The following TUSC3 variants were observed in gnomAD, a reference collection of about 807,000 sequenced individuals.
TUSC3 encodes the protein dolichyl-diphosphooligosaccharide--protein glycosyltransferase subunit TUSC3.
Under a neutral mutation model 44.8 loss-of-function variants are expected in TUSC3, and 45 were observed. The observed-to-expected ratio is 1.00, with a 90% CI of 0.79 to 1.29. TUSC3 has a LOEUF of 1.29. Ranked by LOEUF, TUSC3 falls within the 50% of genes most tolerant of loss-of-function variation. The pLI, the probability that TUSC3 is intolerant of heterozygous loss-of-function variation, is 0.00. For missense variants in TUSC3, 519 were observed against 437.9 expected, an observed-to-expected ratio of 1.19 and a Z score of -1.65; for synonymous variants, 212 against 152.9, an observed-to-expected ratio of 1.39 and a Z score of -2.85.
chr8:15,813,217 G>A, the TUSC3 span, among the ~76,000 whole-genome samples: 1 of 152,158 alleles, frequency 6.6e-6, no homozygotes, highest in Non-Finnish European at 1.5e-5. Context: ...TGTAGACACT[G>A]TGTAATCAGC....
At chr8:15,540,597 G>T in intron 1 of TUSC3, 29 bp downstream of exon 1, 1 of 1,521,098 alleles carries the variant, frequency 6.6e-7, no homozygotes, top group Non-Finnish European at 8.9e-7. Context: ...GCCTTCCCCT[G>T]TGGGCGGGGG....
chr8:15,437,919 A>C (rs1276965696), intron 1 of TUSC3, among the ~76,000 whole-genome samples: 2 of 152,188 alleles, frequency 1.3e-5, no homozygotes, highest in Non-Finnish European at 2.9e-5. Flanking sequence ...CAACTTGAAA[A>C]CATTATCCCA....
chr8:15,493,044 C>T (rs1304001399), intron 2 of TUSC3, among the ~76,000 whole-genome samples: 1 of 152,072 alleles, frequency 6.6e-6, no homozygotes, highest in Non-Finnish European at 1.5e-5. Context: ...TATTAAACCT[C>T]TACTGTGTTC....
chr8:15,532,483 C>T (rs925297171), intron 2 of TUSC3, among the ~76,000 whole-genome samples: 6 of 152,000 alleles, frequency 3.9e-5, no homozygotes, highest in African/African-American at 7.3e-5. Context: ...AACTATGGTC[C>T]GTGTTTTTCT....
intron 1 of TUSC3, among the ~76,000 whole-genome samples, chr8:15,434,675 T>C (rs1799922484): frequency 6.6e-6 from 1 of 151,622 alleles, no homozygotes; most frequent in Admixed American, 6.6e-5. Context: ...ATGCTATCCC[T>C]CCCCCACGAC....
chr8:15,608,303 T>G (rs1339705056), intron 1 of TUSC3, among the ~76,000 whole-genome samples: 2 of 152,130 alleles, frequency 1.3e-5, no homozygotes, highest in African/African-American at 4.8e-5. Context: ...TCCTTAGTTT[T>G]TTTTTGCTTG....
At chr8:15,443,957 G>T (rs115932028) in intron 1 of TUSC3, among the ~76,000 whole-genome samples, 1 of 151,914 alleles carries the variant, frequency 6.6e-6, no homozygotes, top group African/African-American at 2.4e-5. Flanking sequence ...TGGCTCACTG[G>T]CTTCCCCCAC....
rs1421164911 is a variant in TUSC3, at chr8:15,602,491, A to G, written c.139-20589A>G. On this transcript the variant is annotated intron_variant, in intron 1 of 10. Coordinates refer to ENST00000503731, the MANE Select transcript of TUSC3 (RefSeq NM_006765.4). Reference sequence around the variant, plus strand: ...AAAGTATTGTGTTTATTTAGAGGTGATTTCTCTTGGTGGAAGGAGGAAGTA... The same window carrying G: ...AAAGTATTGTGTTTATTTAGAGGTGGTTTCTCTTGGTGGAAGGAGGAAGTA... Among the ~76,000 whole-genome samples, 4 of 151,502 alleles carry G rather than the reference A, an allele frequency of 2.6e-5. No homozygotes were observed. The East Asian group carries it at 5.8e-4, about 22-fold the overall frequency.
intron 1 of TUSC3, among the ~76,000 whole-genome samples, chr8:15,476,614 A>C (rs2129123812): frequency 6.6e-6 from 1 of 152,340 alleles, no homozygotes; most frequent in Admixed American, 6.5e-5. Context: ...TTTTGAACAA[A>C]GAATTGGACC....
At chr8:15,753,038 T>G (rs1398990665) in intron 9 of TUSC3, among the ~76,000 whole-genome samples, 1 of 152,008 alleles carries the variant, frequency 6.6e-6, no homozygotes, top group East Asian at 1.9e-4. Context: ...TTAAACAAAT[T>G]TAAGTAATTT....
chr8:15,462,465 C>A (rs1318056899), intron 1 of TUSC3, among the ~76,000 whole-genome samples: 1 of 152,010 alleles, frequency 6.6e-6, no homozygotes, highest in African/African-American at 2.4e-5. Context: ...GTGGCAGAGT[C>A]AGGTTTTGAA....
chr8:15,699,969 T>C (rs1223557714), intron 6 of TUSC3, among the ~76,000 whole-genome samples: 1 of 152,168 alleles, frequency 6.6e-6, no homozygotes, highest in Non-Finnish European at 1.5e-5. Flanking sequence ...GAAAGGGCAT[T>C]CCAATATTGC....
At chr8:15,742,854 G>A (rs1204516649) in intron 7 of TUSC3, among the ~76,000 whole-genome samples, 1 of 152,206 alleles carries the variant, frequency 6.6e-6, no homozygotes. Context: ...TTATGAAGAT[G>A]AAAATTTCCC....
chr8:15,479,303 C>G (rs1352598962), intron 1 of TUSC3, among the ~76,000 whole-genome samples: 1 of 152,066 alleles, frequency 6.6e-6, no homozygotes, highest in East Asian at 1.9e-4. Context: ...TCCCATTTGT[C>G]AATTTTTGCT....
intron 2 of TUSC3, among the ~76,000 whole-genome samples, chr8:15,526,126 G>C (rs887306558): frequency 6.6e-6 from 1 of 151,970 alleles, no homozygotes; most frequent in African/African-American, 2.4e-5. Context: ...TCCGCCTCCA[G>C]GGTTCCCGCC....
chr8:15,840,397 A>T, the TUSC3 span, among the ~76,000 whole-genome samples: 20,070 of 151,768 alleles, frequency 0.13, 1,396 homozygotes, highest in Admixed American at 0.22. Context: ...AAATCAATAA[A>T]TAACCACACA....
At position 15,557,530 on chromosome 8, in the gene TUSC3, A is replaced by G. The variant is rs1317983017; in HGVS notation, c.138+16962A>G. 4.2e-5 allele frequency among the ~76,000 whole-genome samples: 3 copies of G among 71,662 alleles called. 1 individual carries two copies. Among genetic ancestry groups the G allele is most frequent in the Admixed American group, 1.6e-4 (1 of 6,118 alleles). The allele number at this position is 71,662 out of a possible 152,430, so 47.0% of individuals were successfully genotyped here. On this transcript the variant is annotated intron_variant, in intron 1 of 10. Coordinates refer to ENST00000503731, the MANE Select transcript of TUSC3 (RefSeq NM_006765.4). ...ATGAACTTTAAAGTAGTTTTTTCCA[A>G]TTCTGTGAAGAAAGGCATTGGTAGC...
At chr8:15,672,232 A>G (rs559260864) in intron 5 of TUSC3, among the ~76,000 whole-genome samples, 4 of 152,118 alleles carry the variant, frequency 2.6e-5, no homozygotes, top group African/African-American at 9.6e-5. Context: ...GAATAATAAT[A>G]TTTATTGAGC....
At chr8:15,446,616 G>A (rs924297953) in intron 1 of TUSC3, among the ~76,000 whole-genome samples, 3 of 151,438 alleles carry the variant, frequency 2.0e-5, no homozygotes, top group Non-Finnish European at 2.9e-5. Flanking sequence ...AATCCCAGGC[G>A]CTCGGCAGGC....
Sources: allele counts gnomAD v4.1 joint callset (sites outside exome capture counted in the v4.1 genomes callset), GRCh38; gene constraint gnomAD v4.1.1; transcripts MANE v1.5; gene names NCBI Gene and HGNC (gene_info 2026-07-23, HGNC 2026-07-21).